Variants in ADCY2 observed in about 807,000 individuals in gnomAD.
The protein encoded by ADCY2 is adenylate cyclase 2.
Under a neutral mutation model 125.2 loss-of-function variants are expected in ADCY2, and 31 were observed. The ratio of observed to expected loss-of-function variants is 0.25; its 90% CI spans 0.19 to 0.33. The LOEUF (loss-of-function observed/expected upper bound fraction) is 0.33. ADCY2 is among the 10% of genes least tolerant of loss of function. The probability of loss-of-function intolerance (pLI) is 1.00; values close to 1 mark genes in which losing one functional copy is unlikely to be tolerated. For synonymous variants in ADCY2, 512 were observed against 548.4 expected (o/e 0.93, Z 0.93); for missense variants, 904 against 1,418.2 (o/e 0.64, Z 5.82).
chr5:7,525,626 G>A (rs1413344140), intron 3 of ADCY2, among the ~76,000 whole-genome samples: 1 of 150,380 alleles, frequency 6.6e-6, no homozygotes, highest in Admixed American at 6.7e-5. Flanking sequence ...CCAAGGTGAG[G>A]CCCACACACA....
intron 2 of ADCY2, among the ~76,000 whole-genome samples, chr5:7,434,227 A>T (rs1444008403): frequency 6.6e-6 from 1 of 152,248 alleles, no homozygotes; most frequent in Non-Finnish European, 1.5e-5. Context: ...TGTTCGTGTC[A>T]GCATTGTCTA....
rs1238289590 is a variant in ADCY2, at chr5:7,499,659, ATATATATATATATATATATATATG to A, written c.409-21069_409-21046del. ...CATATATGTGGGTGGATATATATATATATATATATATATATATATATATGTATATATATGTGTATATATATGTAT... is the reference window on the plus strand; with the variant it reads ...CATATATGTGGGTGGATATATATATATATATATATGTGTATATATATGTAT... On this transcript the variant is annotated intron_variant, in intron 2 of 24. Coordinates refer to ENST00000338316, the MANE Select transcript of ADCY2 (RefSeq NM_020546.3). Among the ~76,000 whole-genome samples the A allele has an allele frequency of 1.1e-3, 118 of 102,966 alleles. 1 individual carries two copies. Among genetic ancestry groups the A allele is most frequent in the Middle Eastern group, 8.9e-3 (2 of 224 alleles). 67.5% of individuals were successfully genotyped at this position (102,966 alleles called of 152,430 possible). A position where few individuals can be genotyped will look rare whatever the true frequency, so the allele number is the denominator to read the frequency against.
chr5:7,552,253 C>CA (rs2126575431), intron 3 of ADCY2, among the ~76,000 whole-genome samples: 2 of 152,276 alleles, frequency 1.3e-5, no homozygotes, highest in South Asian at 4.1e-4. Context: ...CAGTGGAAAA[C>CA]AAACTTTTCT....
At chr5:7,811,088 C>T (rs1317065064) in intron 22 of ADCY2, among the ~76,000 whole-genome samples, 1 of 152,106 alleles carries the variant, frequency 6.6e-6, no homozygotes, top group Non-Finnish European at 1.5e-5. Flanking sequence ...CCATTTCCCC[C>T]AACAACCTGG....
At chr5:7,595,870 G>A (rs538269526) in intron 3 of ADCY2, among the ~76,000 whole-genome samples, 2 of 152,212 alleles carry the variant, frequency 1.3e-5, no homozygotes, top group African/African-American at 4.8e-5. Flanking sequence ...ACAAGAAAAA[G>A]TCTGTACATA....
intron 12 of ADCY2, among the ~76,000 whole-genome samples, chr5:7,720,855 A>T (rs958331183): frequency 6.6e-6 from 1 of 152,218 alleles, no homozygotes; most frequent in South Asian, 2.1e-4. Context: ...CGCAATAAAC[A>T]TACATGTGCA....
chr5:7,540,097 C>T (rs931753689), intron 3 of ADCY2, among the ~76,000 whole-genome samples: 2 of 152,148 alleles, frequency 1.3e-5, no homozygotes, highest in African/African-American at 2.4e-5. Flanking sequence ...CTGAATACCA[C>T]GTGTTCTCAC....
At chr5:7,666,767 C>A (rs1390511700) in intron 4 of ADCY2, among the ~76,000 whole-genome samples, 1 of 152,180 alleles carries the variant, frequency 6.6e-6, no homozygotes, top group African/African-American at 2.4e-5. Flanking sequence ...GATATTGCCC[C>A]CCTGGCTTCC....
At chr5:7,510,233 T>C (rs1490562128) in intron 2 of ADCY2, among the ~76,000 whole-genome samples, 2 of 152,248 alleles carry the variant, frequency 1.3e-5, no homozygotes, top group Non-Finnish European at 2.9e-5. Context: ...AGTCAAAAGA[T>C]GCATAATTAT....
At chr5:7,607,755 A>G (rs1331388682) in intron 3 of ADCY2, among the ~76,000 whole-genome samples, 1 of 152,250 alleles carries the variant, frequency 6.6e-6, no homozygotes, top group African/African-American at 2.4e-5. Flanking sequence ...TATAGTTGTA[A>G]GCATTGGTGA....
Position 7,582,558 on chromosome 5 carries a change from G to A in ADCY2, c.571-43609G>A, listed in dbSNP as rs543697045. 7.9e-5 allele frequency among the ~76,000 whole-genome samples: 12 copies of A among 152,050 alleles called. No individual in the cohort carries two copies. The South Asian group carries it at 2.1e-3, about 26-fold the overall frequency. On this transcript the variant is annotated intron_variant, in intron 3 of 24. Coordinates refer to ENST00000338316, the MANE Select transcript of ADCY2 (RefSeq NM_020546.3). ...AATAAAATCCACCAATATATACAAA[G>A]AATAATATATTTTGACCATATTAAG...
At chr5:7,498,572 T>C (rs1197001636) in intron 2 of ADCY2, among the ~76,000 whole-genome samples, 1 of 152,202 alleles carries the variant, frequency 6.6e-6, no homozygotes, top group Non-Finnish European at 1.5e-5. Context: ...TACAATGCTT[T>C]TGATAATGTA....
chr5:7,537,968 G>T (rs1010258589), intron 3 of ADCY2, among the ~76,000 whole-genome samples: 1 of 152,142 alleles, frequency 6.6e-6, no homozygotes, highest in Non-Finnish European at 1.5e-5. Flanking sequence ...CCCACAGAAA[G>T]TCTTTGATAG....
chr5:7,525,777 T>C (rs1402561796), intron 3 of ADCY2, among the ~76,000 whole-genome samples: 2 of 152,190 alleles, frequency 1.3e-5, no homozygotes, highest in African/African-American at 4.8e-5. Flanking sequence ...TGCAGCTCCC[T>C]TGATCAACCG....
chr5:7,473,351 G>A (rs1742409221), intron 2 of ADCY2, among the ~76,000 whole-genome samples: 1 of 152,136 alleles, frequency 6.6e-6, no homozygotes, highest in African/African-American at 2.4e-5. Flanking sequence ...ATCACATGGT[G>A]AGAGAGAAGC....
rs776056877 is a variant in ADCY2, at chr5:7,709,321, C to G, written c.1512C>G (p.Ala504=). The G allele has an allele frequency of 6.2e-7, 1 of 1,613,634 alleles. No individual in the cohort carries two copies. Among genetic ancestry groups the G allele is most frequent in the East Asian group, 2.2e-5 (1 of 44,840 alleles). The change falls in exon 10 of 25, where the codon GCC becomes GCG. Residue 504 remains alanine, a synonymous_variant. Transcript: ENST00000338316. The surrounding 1 kb of genome is among the most constrained non-coding windows in gnomAD (Gnocchi z 4.4). ...GGTACTTGGAGTCCTGGGGGGCAGC[C>G]AAGCCCTTTGCACACCTACATCACA... The part of the protein sequence containing the change: ...MTRYLESWGA[A]KPFAHLHHRD...
intron 4 of ADCY2, among the ~76,000 whole-genome samples, chr5:7,680,115 C>T (rs1740281115): frequency 6.6e-6 from 1 of 152,084 alleles, no homozygotes; most frequent in Non-Finnish European, 1.5e-5. Context: ...GAGGAGAAGT[C>T]TTATATTTAG....
At chr5:7,501,639 T>A (rs376656922) in intron 2 of ADCY2, among the ~76,000 whole-genome samples, 9 of 37,240 alleles carry the variant, frequency 2.4e-4, no homozygotes, top group Admixed American at 4.2e-4. Flanking sequence ...AGAATGAGAT[T>A]CCCCCCTCCC....
intron 2 of ADCY2, among the ~76,000 whole-genome samples, chr5:7,513,033 G>T (rs1442353427): frequency 6.6e-6 from 1 of 150,608 alleles, no homozygotes; most frequent in Non-Finnish European, 1.5e-5. Context: ...ACCAGAGCTG[G>T]GATGTGATGG....
Sources: gnomAD v4.1 joint callset for allele counts (sites outside exome capture counted in the v4.1 genomes callset) on GRCh38, gnomAD v4.1.1 for gene constraint, Gnocchi (gnomAD v3.1) non-coding constraint, MANE v1.5 for transcripts, NCBI Gene and HGNC (gene_info 2026-07-23, HGNC 2026-07-21) for gene names.